PSG8: variants seen among roughly 807,000 people sequenced by gnomAD.
PSG8 encodes pregnancy-specific beta-1-glycoprotein 8.
A neutral mutation model predicts 42.5 loss-of-function variants in PSG8; 57 were observed. That is an observed-to-expected ratio of 1.34 (90% CI 1.08 to 1.67). The LOEUF (loss-of-function observed/expected upper bound fraction) is 1.67, where lower values mean the gene tolerates loss of function less well. Among genes scored for constraint, PSG8 ranks in the 40% most tolerant of loss-of-function variants. The pLI, the probability that PSG8 is intolerant of heterozygous loss-of-function variation, is 0.00. For missense variants in PSG8, 783 were observed against 518.6 expected, an observed-to-expected ratio of 1.51 and a Z score of -4.95; for synonymous variants, 280 against 196.8, an observed-to-expected ratio of 1.42 and a Z score of -3.54.
chr19:42,756,242 T>C (rs1456268156), intron 3 of PSG8: 3 of 152,146 alleles, frequency 2.0e-5, no homozygotes, highest in Non-Finnish European at 2.9e-5. Flanking sequence ...ATTCGACTAC[T>C]CTAGGGACCT....
At chr19:42,754,924 C>T (rs1160155145) in intron 4 of PSG8, 64 bp downstream of exon 4, 3 of 1,573,560 alleles carry the variant, frequency 1.9e-6, no homozygotes, top group African/African-American at 2.7e-5. Context: ...AGTGAGAGGC[C>T]TGGCCTCTGG....
In PSG8 at chr19:42,758,065, C is replaced by G. The variant is rs1344564544; in HGVS notation, c.646G>C (p.Glu216Gln). Reference protein sequence around the residue: ...GVTKYTAGPYECEIRNPVSAS... With the variant: ...GVTKYTAGPYQCEIRNPVSAS... ...CTCACTGGGTTCCGTATTTCACATT[C>G]ATAGGGTCCTGCAGTGTACTTTGTG... Residue 216 changes from glutamate to glutamine, a missense_variant, in exon 3 of 5, where the codon GAA (glutamate) becomes CAA (glutamine). Transcript: ENST00000306511. 2 of 1,614,058 alleles carry G rather than the reference C, an allele frequency of 1.2e-6. No homozygotes were observed. The highest frequency in any genetic ancestry group is 1.7e-6 in the Non-Finnish European group (2 of 1,179,956).
chr19:42,753,429 A>G, downstream of PSG8: 2 of 776,172 alleles, frequency 2.6e-6, no homozygotes, highest in South Asian at 2.7e-5. Flanking sequence ...GCAATCTCAT[A>G]ACAGGTGTAC....
intron 3 of PSG8, chr19:42,755,654 C>T (rs1396092869): frequency 6.9e-6 from 2 of 289,404 alleles, no homozygotes; most frequent in African/African-American, 2.1e-5. Context: ...CTACATTGTC[C>T]CCCTAGATGT....
downstream of PSG8, chr19:42,752,975 A>G (rs1306612286): frequency 4.6e-6 from 2 of 432,144 alleles, no homozygotes; most frequent in African/African-American, 4.0e-5. Context: ...CATATCTGAC[A>G]CTCTATTGTT....
At chr19:42,753,696 C>T (rs1344507862), downstream of PSG8, among the ~76,000 whole-genome samples, 12 of 152,166 alleles carry the variant, frequency 7.9e-5, no homozygotes, top group Non-Finnish European at 4.4e-5. Flanking sequence ...CAAACCAAGG[C>T]TGACTTCAGA....
chr19:42,756,264 A>G lies in PSG8; in HGVS notation c.710-998T>C, dbSNP rs1660310075. 3 of 152,174 alleles carry G rather than the reference A, an allele frequency of 2.0e-5. No individual in the cohort carries two copies. In the South Asian group the frequency reaches 6.2e-4, roughly 32 times the overall value. 9.4% of individuals were successfully genotyped at this position (152,174 alleles called of 1,614,324 possible). On this transcript the variant is annotated intron_variant, in intron 3 of 4. Transcript: ENST00000306511. Reference sequence around the variant, plus strand: ...TACTCTAGGGACCTCATGTAAGTGGATTCCAGAGTGAATATGAGAAGAGAC... The same window carrying G: ...TACTCTAGGGACCTCATGTAAGTGGGTTCCAGAGTGAATATGAGAAGAGAC...
downstream of PSG8, chr19:42,753,293 G>A: frequency 1.3e-6 from 1 of 780,174 alleles, no homozygotes; most frequent in Admixed American, 1.7e-5. Flanking sequence ...TAGGGCTTCT[G>A]GAACAGAGTG....
downstream of PSG8, chr19:42,754,004 T>G (rs938088229): frequency 1.3e-6 from 1 of 762,360 alleles, no homozygotes; most frequent in African/African-American, 1.8e-5. Context: ...AGAGAAAAAT[T>G]CCGTCAATGT....
In PSG8 at chr19:42,764,006, G is replaced by C. The variant is rs771163131; in HGVS notation, c.340C>G (p.Gln114Glu). The C allele has an allele frequency of 1.5e-5, 24 of 1,612,298 alleles. No homozygotes were observed. Among genetic ancestry groups the C allele is most frequent in the Non-Finnish European group, 2.0e-5 (24 of 1,179,326 alleles). ...AAGGTGTAGGATCCTGCGTCTTCCT[G>C]GGTGACATTCTGGATCAGCAGGGAT... ...NASLLIQNVT[Q>E]EDAGSYTLHI... Residue 114 changes from glutamine to glutamate, a missense_variant, in exon 2 of 5, where the codon CAG becomes GAG. Coordinates refer to ENST00000306511, the MANE Select transcript of PSG8 (RefSeq NM_182707.3).
At position 42,765,647 on chromosome 19, in the gene PSG8, C is replaced by CTGCTGAG; in HGVS notation, c.-67_-66insCTCAGCA. The CTGCTGAG allele has an allele frequency of 6.3e-7, 1 of 1,581,820 alleles. No individual in the cohort carries two copies. Among genetic ancestry groups the CTGCTGAG allele is most frequent in the Non-Finnish European group, 8.6e-7 (1 of 1,158,026 alleles). ...CTAGGATCCAGAAGCTTCCTGAGCA[C>CTGCTGAG]AGCTCTCAGCAGTGCTGTCCTGCCT... is the stretch of plus-strand genomic sequence containing the variant. On this transcript the variant is annotated 5_prime_UTR_variant, in exon 1 of 5. Coordinates refer to ENST00000306511, the MANE Select transcript of PSG8 (RefSeq NM_182707.3).
downstream of PSG8, among the ~76,000 whole-genome samples, chr19:42,753,596 G>A (rs929758373): frequency 4.6e-5 from 7 of 152,196 alleles, no homozygotes; most frequent in Admixed American, 6.5e-5. Context: ...GCAATGGACC[G>A]TGTAGGCTCT....
At chr19:42,763,352 C>T (rs1349511060) in intron 2 of PSG8, among the ~76,000 whole-genome samples, 1 of 152,118 alleles carries the variant, frequency 6.6e-6, no homozygotes. Flanking sequence ...TCTGTCCTTG[C>T]CCAGATGAGG....
At chr19:42,760,798 G>A (rs753163897) in intron 2 of PSG8, among the ~76,000 whole-genome samples, 2 of 152,080 alleles carry the variant, frequency 1.3e-5, no homozygotes, top group East Asian at 3.9e-4. Flanking sequence ...TAGCCAGGAT[G>A]GTCTCTATCT....
intron 2 of PSG8, chr19:42,758,774 G>C (rs968613001): frequency 1.2e-5 from 2 of 171,122 alleles, no homozygotes; most frequent in African/African-American, 4.8e-5. Flanking sequence ...CCTGGCCTGG[G>C]ACTGGGTACT....
chr19:42,763,839 G>A lies in PSG8; in HGVS notation c.430+77C>T, dbSNP rs950852259. ...CAGAGAGGGACACAGGCAATGTCCA[G>A]GCCTGACAATCCTGTGTGTGTGAAG... On this transcript the variant is annotated intron_variant, in intron 2 of 4. Transcript: ENST00000306511. 153 of 1,609,040 alleles carry A rather than the reference G, an allele frequency of 9.5e-5. 1 individual carries two copies. The highest frequency in any genetic ancestry group is 1.2e-4 in the Non-Finnish European group (137 of 1,175,702).
rs751164814 is a variant in PSG8, at chr19:42,754,285, T to G, written c.*10A>C. 1 of 1,612,066 alleles carries G rather than the reference T, an allele frequency of 6.2e-7. No individual in the cohort carries two copies. Among genetic ancestry groups the G allele is most frequent in the Non-Finnish European group, 8.5e-7 (1 of 1,179,028 alleles). On this transcript the variant is annotated 3_prime_UTR_variant, in exon 5 of 5. Transcript: ENST00000306511. ...TCCTGACTCTTCCCTGAAGGCCAGA[T>G]AGACTCCACCTAAATCCCTATTGCC... is the stretch of plus-strand genomic sequence containing the variant.
At chr19:42,761,270 A>T (rs775570043) in intron 2 of PSG8, among the ~76,000 whole-genome samples, 6 of 152,192 alleles carry the variant, frequency 3.9e-5, no homozygotes, top group Non-Finnish European at 7.3e-5. Context: ...GAATGATAAT[A>T]GTTCCTCCAT....
At chr19:42,761,816 A>G (rs1022143358) in intron 2 of PSG8, among the ~76,000 whole-genome samples, 2 of 139,566 alleles carry the variant, frequency 1.4e-5, no homozygotes, top group Non-Finnish European at 3.2e-5. Context: ...CCAACATTTC[A>G]ATAATTTTTT....
Sources: allele counts gnomAD v4.1 joint callset (sites outside exome capture counted in the v4.1 genomes callset), GRCh38; gene constraint gnomAD v4.1.1; transcripts MANE v1.5; gene names NCBI Gene and HGNC (gene_info 2026-07-23, HGNC 2026-07-21).